Variants in SV2C observed in about 807,000 individuals in gnomAD.
The protein encoded by SV2C is solute carrier family 22 member B3.
In SV2C, 49 loss-of-function variants were observed where a neutral mutation model predicts 79.7. That is an observed-to-expected ratio of 0.61 (90% CI 0.49 to 0.78). The LOEUF (loss-of-function observed/expected upper bound fraction) is 0.78, where lower values mean the gene tolerates loss of function less well. Ranked by LOEUF, SV2C falls within the 30% of genes least tolerant of loss-of-function variation. SV2C has a pLI of 0.00. For synonymous variants in SV2C, 334 were observed against 333.2 expected (o/e 1.00, Z -0.03); for missense variants, 833 against 912.9 (o/e 0.91, Z 1.13).
the SV2C span, among the ~76,000 whole-genome samples, chr5:75,949,053 A>G: frequency 6.6e-6 from 1 of 151,868 alleles, no homozygotes; most frequent in Non-Finnish European, 1.5e-5. Flanking sequence ...TATCCTCACC[A>G]TAGTGAGTGA....
At chr5:76,138,812 T>C (rs34359827) in intron 2 of SV2C, among the ~76,000 whole-genome samples, 17,834 of 152,220 alleles carry the variant, frequency 0.12, 1,141 homozygotes, top group Non-Finnish European at 0.14. Flanking sequence ...TATGAACATA[T>C]CTAAAATAAG....
At chr5:75,949,240 C>T in the SV2C span, among the ~76,000 whole-genome samples, 1 of 152,044 alleles carries the variant, frequency 6.6e-6, no homozygotes, top group Non-Finnish European at 1.5e-5. Context: ...GCTTATAGAA[C>T]TGTGAGCCAA....
chr5:75,926,368 G>A, the SV2C span, among the ~76,000 whole-genome samples: 2 of 152,156 alleles, frequency 1.3e-5, no homozygotes, highest in African/African-American at 4.8e-5. Context: ...AGGGATTTGG[G>A]ACATTACAAT....
chr5:75,931,439 T>C, the SV2C span, among the ~76,000 whole-genome samples: 1 of 152,226 alleles, frequency 6.6e-6, no homozygotes. Flanking sequence ...TTCAAGGTGG[T>C]GATCAATCAA....
chr5:76,258,700 T>C (rs1222504475), intron 4 of SV2C, among the ~76,000 whole-genome samples: 2 of 152,216 alleles, frequency 1.3e-5, no homozygotes, highest in African/African-American at 2.4e-5. Context: ...ATTATTTACA[T>C]TCAAAAAATG....
rs1319704178 is a variant in SV2C, at chr5:76,132,985, T to C, written c.580+655T>C. ...TATTTTAAATATATAAATATTTAAATGTGTGTTAAAAATAATATAACCTCT... is the reference window on the plus strand; with the variant it reads ...TATTTTAAATATATAAATATTTAAACGTGTGTTAAAAATAATATAACCTCT... On this transcript the variant is annotated intron_variant, in intron 2 of 12. Transcript: ENST00000502798. Among the ~76,000 whole-genome samples the C allele has an allele frequency of 2.6e-5, 4 of 151,956 alleles. No homozygotes were observed. The East Asian group carries it at 7.7e-4, about 29-fold the overall frequency.
At chr5:76,113,003 G>A (rs1748142318) in intron 1 of SV2C, among the ~76,000 whole-genome samples, 1 of 152,194 alleles carries the variant, frequency 6.6e-6, no homozygotes, top group Non-Finnish European at 1.5e-5. Flanking sequence ...AGTTGAAGAA[G>A]GCATTGGAAT....
intron 12 of SV2C, chr5:76,311,557 T>C (rs1748440750): frequency 6.6e-6 from 1 of 152,260 alleles, no homozygotes; most frequent in Non-Finnish European, 1.5e-5. Flanking sequence ...CATTATTGAA[T>C]ATACAAGTCA....
chr5:75,941,223 G>A, the SV2C span, among the ~76,000 whole-genome samples: 8 of 152,166 alleles, frequency 5.3e-5, no homozygotes, highest in South Asian at 8.3e-4. Flanking sequence ...ATTACTTCTC[G>A]CTCACTTAAA....
At chr5:75,871,730 C>A in the SV2C span, among the ~76,000 whole-genome samples, 9 of 151,302 alleles carry the variant, frequency 5.9e-5, no homozygotes, top group African/African-American at 1.9e-4. Context: ...ATTGCTTGAA[C>A]CGGGGAGTCA....
chr5:76,021,815 A>G, the SV2C span, among the ~76,000 whole-genome samples: 1 of 152,192 alleles, frequency 6.6e-6, no homozygotes, highest in Non-Finnish European at 1.5e-5. Context: ...ATAATTTAAT[A>G]CTTAAAAGTG....
At chr5:75,974,475 A>C in the SV2C span, among the ~76,000 whole-genome samples, 3 of 152,130 alleles carry the variant, frequency 2.0e-5, no homozygotes, top group South Asian at 2.1e-4. Flanking sequence ...GGTTGTCATC[A>C]AATGGAATGA....
the SV2C span, among the ~76,000 whole-genome samples, chr5:76,030,106 A>G: frequency 6.6e-6 from 1 of 151,958 alleles, no homozygotes; most frequent in African/African-American, 2.4e-5. Flanking sequence ...TTACCTATTT[A>G]TTTTTTTAAA....
Position 76,132,062 on chromosome 5 carries a change from C to G in SV2C, c.312C>G (p.Asp104Glu). ...QGIPSMNQAK[D>E]SIVSVGQPKG... Reference sequence around the variant, plus strand: ...TCCCCAGTATGAACCAAGCGAAGGACAGCATCGTGTCAGTGGGGCAGCCCA... The same window carrying G: ...TCCCCAGTATGAACCAAGCGAAGGAGAGCATCGTGTCAGTGGGGCAGCCCA... Residue 104 changes from aspartate to glutamate, a missense_variant, in exon 2 of 13, where the codon GAC becomes GAG. Coordinates refer to ENST00000502798, the MANE Select transcript of SV2C (RefSeq NM_014979.4). 1 of 1,611,744 alleles carries G rather than the reference C, an allele frequency of 6.2e-7. No individual in the cohort carries two copies. The highest frequency in any genetic ancestry group is 8.5e-7 in the Non-Finnish European group (1 of 1,178,570).
chr5:75,881,738 T>G, the SV2C span, among the ~76,000 whole-genome samples: 1 of 152,064 alleles, frequency 6.6e-6, no homozygotes, highest in Non-Finnish European at 1.5e-5. Context: ...TCATGTCATC[T>G]GCAAACACGG....
chr5:75,855,169 G>A, the SV2C span, among the ~76,000 whole-genome samples: 1 of 152,090 alleles, frequency 6.6e-6, no homozygotes, highest in Non-Finnish European at 1.5e-5. Flanking sequence ...CTGGAATTTT[G>A]AATTGCATTG....
Position 76,330,852 on chromosome 5 carries a change from T to C in SV2C, c.*5305T>C, listed in dbSNP as rs1346940945. The C allele has an allele frequency of 1.3e-5, 2 of 150,710 alleles. No individual in the cohort carries two copies. Among genetic ancestry groups the C allele is most frequent in the Non-Finnish European group, 3.0e-5 (2 of 67,610 alleles). The allele number at this position is 150,710 out of a possible 1,614,324, so 9.3% of individuals were successfully genotyped here. On this transcript the variant is annotated 3_prime_UTR_variant, in exon 13 of 13. Transcript: ENST00000502798. Reference sequence around the variant, plus strand: ...CCCCATCTCTCTAGAGCATTTTTTTTTTTTTTTTGGGCGGGGGGGCGGGGG... The same window carrying C: ...CCCCATCTCTCTAGAGCATTTTTTTCTTTTTTTTGGGCGGGGGGGCGGGGG...
chr5:76,290,266 A>G (rs1192387512), intron 6 of SV2C, among the ~76,000 whole-genome samples: 1 of 152,134 alleles, frequency 6.6e-6, no homozygotes, highest in East Asian at 1.9e-4. Context: ...TATAATTTGA[A>G]AGGTGCTGAG....
intron 12 of SV2C, among the ~76,000 whole-genome samples, chr5:76,313,160 G>T (rs1281138737): frequency 6.6e-6 from 1 of 152,132 alleles, no homozygotes; most frequent in Admixed American, 6.5e-5. Context: ...TCGTCATCTG[G>T]TATTCTGTAA....
Sources: allele counts gnomAD v4.1 joint callset (sites outside exome capture counted in the v4.1 genomes callset), GRCh38; gene constraint gnomAD v4.1.1; transcripts MANE v1.5; gene names NCBI Gene and HGNC (gene_info 2026-07-23, HGNC 2026-07-21).